The following DCLK1 variants were observed in gnomAD, a reference collection of about 807,000 sequenced individuals.
DCLK1 encodes serine/threonine-protein kinase DCLK1.
Under a neutral mutation model 86.2 loss-of-function variants are expected in DCLK1, and 16 were observed. The observed-to-expected ratio is 0.19, with a 90% CI of 0.13 to 0.28. The LOEUF (loss-of-function observed/expected upper bound fraction) is 0.28. DCLK1 is among the 10% of genes least tolerant of loss of function. The pLI is 1.00. For missense variants in DCLK1, 590 were observed against 940.2 expected (o/e 0.63, Z 4.87); for synonymous variants, 369 against 370.5 (o/e 1.00, Z 0.05).
At chr13:36,013,884 C>A (rs1016367821) in intron 3 of DCLK1, among the ~76,000 whole-genome samples, 1 of 152,188 alleles carries the variant, frequency 6.6e-6, no homozygotes, top group Non-Finnish European at 1.5e-5. Flanking sequence ...AGCGAGATTC[C>A]GTGGGCTTAG....
At chr13:36,042,588 G>A (rs77525034) in intron 3 of DCLK1, among the ~76,000 whole-genome samples, 5,010 of 152,212 alleles carry the variant, frequency 0.033, 103 homozygotes, top group African/African-American at 0.067. Context: ...TATGATCAGG[G>A]CTTCCAAAGG....
At chr13:35,920,285 C>T (rs928898721) in intron 4 of DCLK1, among the ~76,000 whole-genome samples, 5 of 152,256 alleles carry the variant, frequency 3.3e-5, no homozygotes, top group South Asian at 2.1e-4. Context: ...TGCCTTGACA[C>T]GTATGGAGCA....
At chr13:35,908,073 G>A (rs966392273) in intron 4 of DCLK1, among the ~76,000 whole-genome samples, 3 of 152,076 alleles carry the variant, frequency 2.0e-5, no homozygotes, top group African/African-American at 7.2e-5. Flanking sequence ...TCTTAAAATA[G>A]GACTGTGCTG....
At chr13:35,918,892 G>GTTTTTTTGTTTTTTTTTTTTTT (rs1555350028) in intron 4 of DCLK1, among the ~76,000 whole-genome samples, 1 of 76,310 alleles carries the variant, frequency 1.3e-5, no homozygotes, top group South Asian at 5.9e-4. Context: ...TTCTGAGTGT[G>GTTTTTTTGTTTTTTTTTTTTTT]TTTTTTTTTT....
At chr13:35,883,509 T>C (rs1435161118) in intron 4 of DCLK1, among the ~76,000 whole-genome samples, 1 of 152,170 alleles carries the variant, frequency 6.6e-6, no homozygotes, top group African/African-American at 2.4e-5. Flanking sequence ...GCTGGTGTCA[T>C]GCTTCTTGTG....
chr13:36,024,874 C>CAT (rs1475333882), intron 3 of DCLK1, among the ~76,000 whole-genome samples: 1 of 151,602 alleles, frequency 6.6e-6, no homozygotes, highest in Non-Finnish European at 1.5e-5. Flanking sequence ...ATGATACAGA[C>CAT]ATAAGGACAG....
At chr13:35,954,628 A>C (rs572336869) in intron 3 of DCLK1, among the ~76,000 whole-genome samples, 5 of 152,262 alleles carry the variant, frequency 3.3e-5, no homozygotes, top group Non-Finnish European at 7.4e-5. Context: ...TTTGATGATA[A>C]ATTTATGAAA....
intron 3 of DCLK1, among the ~76,000 whole-genome samples, chr13:36,070,127 C>A (rs1249978480): frequency 1.3e-5 from 2 of 152,188 alleles, no homozygotes; most frequent in Admixed American, 1.3e-4. Flanking sequence ...TTGCATAATG[C>A]CTGAAAAGTT....
rs1254344793 is a variant in DCLK1, at chr13:36,013,744, G to A, written c.724-66287C>T. On this transcript the variant is annotated intron_variant, in intron 3 of 16. Transcript: ENST00000360631. ...AGGCAGGCAGGCTTCCTTGAGCTGT[G>A]GTGGGCTCCACCCAGTTCGAGCTTC... is the stretch of plus-strand genomic sequence containing the variant. Among the ~76,000 whole-genome samples the A allele has an allele frequency of 4.6e-5, 7 of 152,320 alleles. No individual in the cohort carries two copies. The South Asian group carries it at 1.2e-3, about 27-fold the overall frequency.
intron 10 of DCLK1, among the ~76,000 whole-genome samples, chr13:35,825,780 TA>T (rs2153105607): frequency 6.6e-6 from 1 of 151,978 alleles, no homozygotes; most frequent in Admixed American, 6.6e-5. Flanking sequence ...AAAATCTTCA[TA>T]TTTTTTCTTT....
intron 8 of DCLK1, among the ~76,000 whole-genome samples, chr13:35,830,516 C>T (rs1868868912): frequency 6.6e-6 from 1 of 152,114 alleles, no homozygotes; most frequent in Non-Finnish European, 1.5e-5. Context: ...TTAAGAGGCT[C>T]CTGTAGAGTT....
intron 3 of DCLK1, among the ~76,000 whole-genome samples, chr13:36,106,473 T>G (rs1885399961): frequency 6.6e-6 from 1 of 152,224 alleles, no homozygotes. Context: ...GAATTTTAAT[T>G]TGACATTTTA....
intron 3 of DCLK1, among the ~76,000 whole-genome samples, chr13:36,013,251 C>G (rs11147596): frequency 0.22 from 33,623 of 151,150 alleles, 3,960 homozygotes; most frequent in Non-Finnish European, 0.29. Flanking sequence ...CTCCATCCAG[C>G]TTTGTTCCAT....
intron 3 of DCLK1, among the ~76,000 whole-genome samples, chr13:36,013,555 G>C (rs1881386356): frequency 6.6e-6 from 1 of 152,162 alleles, no homozygotes; most frequent in African/African-American, 2.4e-5. Flanking sequence ...TCAGGGGTCA[G>C]GGACCCACTT....
chr13:35,814,523 T>C (rs374965996), intron 11 of DCLK1, among the ~76,000 whole-genome samples: 1 of 152,222 alleles, frequency 6.6e-6, no homozygotes, highest in Non-Finnish European at 1.5e-5. Context: ...TTGGACAGGC[T>C]GGTCCAGCTA....
At chr13:36,053,408 A>C (rs567139110) in intron 3 of DCLK1, among the ~76,000 whole-genome samples, 2 of 152,164 alleles carry the variant, frequency 1.3e-5, no homozygotes, top group Non-Finnish European at 2.9e-5. Context: ...TACTTAGTAA[A>C]TCTGGAAATA....
intron 3 of DCLK1, among the ~76,000 whole-genome samples, chr13:36,038,980 C>A: frequency 6.6e-6 from 1 of 152,172 alleles, no homozygotes; most frequent in East Asian, 1.9e-4. Context: ...TGATTCACAG[C>A]ACCATGTCCT....
intron 16 of DCLK1, among the ~76,000 whole-genome samples, chr13:35,777,986 G>A (rs200832430): frequency 5.3e-4 from 81 of 152,338 alleles, no homozygotes; most frequent in African/African-American, 1.9e-3. Flanking sequence ...GAGGACCAAG[G>A]TCAAGCGTTG....
intron 8 of DCLK1, among the ~76,000 whole-genome samples, chr13:35,834,386 A>C (rs1468915548): frequency 2.6e-5 from 4 of 152,116 alleles, no homozygotes; most frequent in Non-Finnish European, 5.9e-5. Context: ...GAGGCTCCTT[A>C]TTAGTGGAGT....
Sources: allele counts gnomAD v4.1 joint callset (sites outside exome capture counted in the v4.1 genomes callset), GRCh38; gene constraint gnomAD v4.1.1; transcripts MANE v1.5; gene names NCBI Gene and HGNC (gene_info 2026-07-23, HGNC 2026-07-21).